TOLLIP: variants seen among roughly 807,000 people sequenced by gnomAD.
TOLLIP encodes the protein toll interacting protein.
A neutral mutation model predicts 33.5 loss-of-function variants in TOLLIP; 16 were observed. The ratio of observed to expected loss-of-function variants is 0.48; its 90% CI spans 0.32 to 0.72. The LOEUF (loss-of-function observed/expected upper bound fraction) is 0.72. Ranked by LOEUF, TOLLIP falls within the 30% of genes least tolerant of loss-of-function variation. TOLLIP has a pLI of 0.03. For missense variants in TOLLIP, 325 were observed against 396.6 expected (o/e 0.82, Z 1.53); for synonymous variants, 176 against 163.7 (o/e 1.07, Z -0.57).
At chr11:1,306,542 G>T (rs1161347083) in intron 1 of TOLLIP, among the ~76,000 whole-genome samples, 6 of 152,136 alleles carry the variant, frequency 3.9e-5, no homozygotes. Context: ...AGGTGTAACA[G>T]AAAGAGGACA....
At chr11:1,284,554 T>G (rs761651237) in intron 5 of TOLLIP, among the ~76,000 whole-genome samples, 1 of 152,180 alleles carries the variant, frequency 6.6e-6, no homozygotes, top group East Asian at 1.9e-4. Flanking sequence ...TTTCACCGTG[T>G]TGGCCAGGAT....
chr11:1,300,037 G>A (rs769056964), intron 1 of TOLLIP, among the ~76,000 whole-genome samples: 29 of 152,212 alleles, frequency 1.9e-4, no homozygotes, highest in Non-Finnish European at 5.9e-5. Context: ...AACAGGCAGG[G>A]AAGATTCTAT....
chr11:1,287,119 T>A (rs1040135927), intron 4 of TOLLIP, among the ~76,000 whole-genome samples: 2 of 152,040 alleles, frequency 1.3e-5, no homozygotes, highest in African/African-American at 4.8e-5. Context: ...CAGCTGTGGA[T>A]AAGTCACTGC....
chr11:1,293,545 C>T (rs1402732619), intron 2 of TOLLIP, among the ~76,000 whole-genome samples: 1 of 152,374 alleles, frequency 6.6e-6, no homozygotes, highest in East Asian at 1.9e-4. Context: ...AAGCAGGAAA[C>T]AGGGGCTGAG....
intron 5 of TOLLIP, among the ~76,000 whole-genome samples, chr11:1,281,759 G>C (rs964438180): frequency 1.3e-5 from 2 of 152,260 alleles, no homozygotes; most frequent in African/African-American, 4.8e-5. Flanking sequence ...CGCGGCACAG[G>C]CTTCTCCACC....
intron 1 of TOLLIP, among the ~76,000 whole-genome samples, chr11:1,304,722 C>G (rs544003519): frequency 2.0e-4 from 30 of 152,320 alleles, no homozygotes; most frequent in Admixed American, 1.6e-3. Context: ...ACTTTCCCAG[C>G]ACAGTGTGTA....
intron 1 of TOLLIP, among the ~76,000 whole-genome samples, chr11:1,301,195 T>C (rs547070701): frequency 1.3e-5 from 2 of 152,382 alleles, no homozygotes; most frequent in South Asian, 4.1e-4. Context: ...ATATCCTTAG[T>C]GAACTGAAGC....
In TOLLIP at chr11:1,277,292, G is replaced by A. The variant is rs1480224514; in HGVS notation, c.611-39C>T. 1.4e-6 allele frequency: 2 copies of A among 1,473,984 alleles called. No individual in the cohort carries two copies. Among genetic ancestry groups the A allele is most frequent in the African/African-American group, 2.8e-5 (2 of 71,166 alleles). The allele number at this position is 1,473,984 out of a possible 1,614,324, so 91.3% of individuals were successfully genotyped here. A position where few individuals can be genotyped will look rare whatever the true frequency, so the allele number is the denominator to read the frequency against. On this transcript the variant is annotated intron_variant, in intron 5 of 5. Coordinates refer to ENST00000317204, the MANE Select transcript of TOLLIP (RefSeq NM_019009.4). This position sits in a 1 kb window ranked among gnomAD's most constrained non-coding sequence, Gnocchi z 4.2. ...TCAAGTTTGGTAAAAACGTCGGAAAGTTCCAGAAGTGCCACACTAGCTCCT... is the reference window on the plus strand; with the variant it reads ...TCAAGTTTGGTAAAAACGTCGGAAAATTCCAGAAGTGCCACACTAGCTCCT...
In TOLLIP at chr11:1,309,562, C is replaced by A. The variant is rs144799396; in HGVS notation, c.-64G>T. The A allele has an allele frequency of 2.0e-6, 2 of 1,020,204 alleles. No individual in the cohort carries two copies. The highest frequency in any genetic ancestry group is 2.5e-6 in the Non-Finnish European group (2 of 784,958). 63.2% of individuals were successfully genotyped at this position (1,020,204 alleles called of 1,614,324 possible). On this transcript the variant is annotated 5_prime_UTR_variant, in exon 1 of 6. Coordinates refer to ENST00000317204, the MANE Select transcript of TOLLIP (RefSeq NM_019009.4). Reference sequence around the variant, plus strand: ...TGACGCGCCGGGCGACCTCCTGCGCCCCCGCCGGAGCCTGCGACGGAGACA... The same window carrying A: ...TGACGCGCCGGGCGACCTCCTGCGCACCCGCCGGAGCCTGCGACGGAGACA...
At chr11:1,287,918 T>C (rs567931731) in intron 4 of TOLLIP, among the ~76,000 whole-genome samples, 3 of 147,476 alleles carry the variant, frequency 2.0e-5, no homozygotes, top group East Asian at 2.0e-4. Context: ...CTGCACCCTC[T>C]CTGCTGTCAC....
chr11:1,305,192 TAC>T (rs1394818480), intron 1 of TOLLIP, among the ~76,000 whole-genome samples: 1 of 152,174 alleles, frequency 6.6e-6, no homozygotes, highest in Non-Finnish European at 1.5e-5. Context: ...TCCACACCTG[TAC>T]AGACTCACAA....
At chr11:1,297,339 T>C (rs919554292) in intron 1 of TOLLIP, among the ~76,000 whole-genome samples, 1 of 152,132 alleles carries the variant, frequency 6.6e-6, no homozygotes, top group Non-Finnish European at 1.5e-5. Context: ...CGAGAGGGTC[T>C]AGCTCCTCAC....
chr11:1,283,412 C>G (rs898527887), intron 5 of TOLLIP: 1 of 383,336 alleles, frequency 2.6e-6, no homozygotes, highest in Non-Finnish European at 5.1e-6. Flanking sequence ...TCAGTGTCAG[C>G]TTCATCTAGA....
In TOLLIP at chr11:1,274,492, A is replaced by G. The variant is rs975316523; in HGVS notation, c.*2547T>C. 6.6e-6 allele frequency: 1 copy of G among 152,230 alleles called. No individual in the cohort carries two copies. Among genetic ancestry groups the G allele is most frequent in the Non-Finnish European group, 1.5e-5 (1 of 68,038 alleles). The allele number at this position is 152,230 out of a possible 1,614,324, so 9.4% of individuals were successfully genotyped here. A position where few individuals can be genotyped will look rare whatever the true frequency, so the allele number is the denominator to read the frequency against. On this transcript the variant is annotated 3_prime_UTR_variant, in exon 6 of 6. Coordinates refer to ENST00000317204, the MANE Select transcript of TOLLIP (RefSeq NM_019009.4). ...AAAAATCTGGACAATGGACCCCAGT[A>G]AAATAATCAGAAGCGCACGTTCTGA...
rs1350596692 is a variant in TOLLIP, at chr11:1,309,458, T to G, written c.33+8A>C. The G allele has an allele frequency of 1.3e-5, 17 of 1,315,616 alleles. No individual in the cohort carries two copies. The highest frequency in any genetic ancestry group is 1.6e-5 in the Non-Finnish European group (16 of 1,026,688). The allele number at this position is 1,315,616 out of a possible 1,614,324, so 81.5% of individuals were successfully genotyped here. A position where few individuals can be genotyped will look rare whatever the true frequency, so the allele number is the denominator to read the frequency against. ...CGCCCCCGCCCGACCCTCGCCCGGC[T>G]GCCTCACCGGCCCGCGCTGAGTGCT... On this transcript the variant is annotated splice_region_variant and intron_variant, in intron 1 of 5. Coordinates refer to ENST00000317204, the MANE Select transcript of TOLLIP (RefSeq NM_019009.4).
At chr11:1,293,287 G>A (rs1325790346) in intron 2 of TOLLIP, among the ~76,000 whole-genome samples, 1 of 152,258 alleles carries the variant, frequency 6.6e-6, no homozygotes, top group Non-Finnish European at 1.5e-5. Flanking sequence ...CACCTGGGGA[G>A]GCCATGTGGC....
rs1033378056 is a variant in TOLLIP at position 1,278,379 on chromosome 11, G to A, written c.611-1126C>T. ...TGGAGCGCTAGAGCCCCAATCTTAG[G>A]ATAGGACTTTTGTTCCTTTCTACAC... On this transcript the variant is annotated intron_variant, in intron 5 of 5. Transcript: ENST00000317204. This position sits in a 1 kb window ranked among gnomAD's most constrained non-coding sequence, Gnocchi z 4.7. Among the ~76,000 whole-genome samples, 2 of 152,182 alleles carry A rather than the reference G, an allele frequency of 1.3e-5. No homozygotes were observed. The highest frequency in any genetic ancestry group is 6.5e-5 in the Admixed American group (1 of 15,284).
intron 1 of TOLLIP, among the ~76,000 whole-genome samples, chr11:1,305,541 G>A (rs1226003916): frequency 6.6e-6 from 1 of 152,226 alleles, no homozygotes. Context: ...ACAGCCAGCC[G>A]ACACCGGTTG....
intron 1 of TOLLIP, among the ~76,000 whole-genome samples, chr11:1,307,961 T>C (rs1475219470): frequency 6.6e-6 from 1 of 152,182 alleles, no homozygotes; most frequent in Non-Finnish European, 1.5e-5. Context: ...GATACAGTGT[T>C]AAGGGTGGGG....
Sources: gnomAD v4.1 joint callset for allele counts (sites outside exome capture counted in the v4.1 genomes callset) on GRCh38, gnomAD v4.1.1 for gene constraint, Gnocchi (gnomAD v3.1) non-coding constraint, MANE v1.5 for transcripts, NCBI Gene and HGNC (gene_info 2026-07-23, HGNC 2026-07-21) for gene names.